Variants in UHRF2 observed in about 807,000 individuals in gnomAD.
UHRF2 encodes the protein E3 ubiquitin-protein ligase UHRF2.
UHRF2 carries 23 observed loss-of-function variants against 96.8 expected under a neutral mutation model. That is an observed-to-expected ratio of 0.24 (90% CI 0.17 to 0.34). The LOEUF (loss-of-function observed/expected upper bound fraction) is 0.34. Among genes scored for constraint, UHRF2 ranks in the 10% least tolerant of loss-of-function variants. The pLI is 1.00. For synonymous variants in UHRF2, 385 were observed against 332.6 expected (o/e 1.16, Z -1.72); for missense variants, 685 against 981.5 (o/e 0.70, Z 4.04).
intron 3 of UHRF2, among the ~76,000 whole-genome samples, chr9:6,454,789 A>T (rs1043583656): frequency 1.3e-5 from 2 of 151,976 alleles, no homozygotes; most frequent in African/African-American, 4.8e-5. Context: ...ATGCTGCCTC[A>T]CTCTAGGATA....
intron 3 of UHRF2, among the ~76,000 whole-genome samples, chr9:6,450,356 T>C (rs1167204779): frequency 6.8e-6 from 1 of 147,534 alleles, no homozygotes; most frequent in East Asian, 2.1e-4. Context: ...TGTACAATTT[T>C]CTCAGTCTGG....
chr9:6,416,367 C>T (rs555211366), intron 1 of UHRF2, among the ~76,000 whole-genome samples: 40 of 152,018 alleles, frequency 2.6e-4, no homozygotes, highest in African/African-American at 8.7e-4. Context: ...CGTGCCCAGC[C>T]TTGACTCCAC....
In UHRF2 at chr9:6,506,606, T is replaced by A. The variant is rs1816595715; in HGVS notation, c.*427T>A. 6.4e-6 allele frequency: 1 copy of A among 155,514 alleles called. No homozygotes were observed. Among genetic ancestry groups the A allele is most frequent in the African/African-American group, 2.4e-5 (1 of 41,508 alleles). 9.6% of individuals were successfully genotyped at this position (155,514 alleles called of 1,614,324 possible). On this transcript the variant is annotated 3_prime_UTR_variant, in exon 16 of 16. Transcript: ENST00000276893. Reference sequence around the variant, plus strand: ...ACAGAAAAGGAAATGACACTTGAGATCCTTGGAATGAACACAGCTTCTAAA... The same window carrying A: ...ACAGAAAAGGAAATGACACTTGAGAACCTTGGAATGAACACAGCTTCTAAA...
chr9:6,429,992 C>A (rs1477005405), intron 2 of UHRF2, among the ~76,000 whole-genome samples: 1 of 152,098 alleles, frequency 6.6e-6, no homozygotes, highest in Non-Finnish European at 1.5e-5. Flanking sequence ...GATATTTGGA[C>A]AGGGGAAACT....
rs1823508201 is a variant in UHRF2, at chr9:6,475,422, A to G, written c.895A>G (p.Ile299Val). 3 of 1,580,622 alleles carry G rather than the reference A, an allele frequency of 1.9e-6. No homozygotes were observed. Among genetic ancestry groups the G allele is most frequent in the Non-Finnish European group, 2.6e-6 (3 of 1,162,892 alleles). The change falls in exon 5 of 16, where the codon ATA becomes GTA. Residue 299 changes from isoleucine (I) to valine (V), a missense_variant. By Grantham distance (29) the Ile-to-Val change is conservative. Transcript: ENST00000276893. ...TGAAGGAACATTAAATGACTGCAAG[A>G]TAATATCTGTAGATGAAATCTTCAA... is the stretch of plus-strand genomic sequence containing the variant. ...GSEGTLNDCK[I>V]ISVDEIFKIE... is the part of the protein sequence containing the mutation.
rs191906236 is a variant in UHRF2, at chr9:6,499,621, T to A, written c.1909-214T>A. 3.4e-4 allele frequency: 113 copies of A among 336,802 alleles called. 1 individual carries two copies. The South Asian group carries it at 3.8e-3, about 11-fold the overall frequency. 20.9% of individuals were successfully genotyped at this position (336,802 alleles called of 1,614,324 possible). A position where few individuals can be genotyped will look rare whatever the true frequency, so the allele number is the denominator to read the frequency against. On this transcript the variant is annotated intron_variant, in intron 12 of 15. Coordinates refer to ENST00000276893, the MANE Select transcript of UHRF2 (RefSeq NM_152896.3). ...AAGATCAGTGTATTATAAAATGGAATCTCTTAGCAGTCACAGCTACATAAA... is the reference window on the plus strand; with the variant it reads ...AAGATCAGTGTATTATAAAATGGAAACTCTTAGCAGTCACAGCTACATAAA...
At chr9:6,415,229 C>G (rs1381401878) in intron 1 of UHRF2, 2 of 152,200 alleles carry the variant, frequency 1.3e-5, no homozygotes, top group Non-Finnish European at 2.9e-5. Context: ...ACAAAGTAGA[C>G]TTTCAGTAAA....
intron 2 of UHRF2, among the ~76,000 whole-genome samples, chr9:6,430,721 A>C (rs1042746136): frequency 6.6e-6 from 1 of 152,134 alleles, no homozygotes; most frequent in Admixed American, 6.5e-5. Context: ...TATTCAAACT[A>C]GCCATCTTGT....
At chr9:6,503,478 A>T (rs762774113) in intron 14 of UHRF2, among the ~76,000 whole-genome samples, 6 of 151,898 alleles carry the variant, frequency 4.0e-5, no homozygotes, top group Non-Finnish European at 8.8e-5. Context: ...TATCCATTTG[A>T]TCATGTTTAC....
intron 1 of UHRF2, among the ~76,000 whole-genome samples, chr9:6,419,554 A>G (rs73399664): frequency 0.018 from 2,706 of 152,288 alleles, 77 homozygotes; most frequent in African/African-American, 0.062. Context: ...TAAAAAAGTG[A>G]AACACTGAGC....
intron 10 of UHRF2, chr9:6,494,819 A>C (rs916242501): frequency 1.3e-5 from 2 of 152,212 alleles, no homozygotes; most frequent in Non-Finnish European, 2.9e-5. Flanking sequence ...TGTGTGATGT[A>C]AAGAATATAC....
At chr9:6,486,379 G>A (rs186617309) in intron 8 of UHRF2, among the ~76,000 whole-genome samples, 80 of 152,290 alleles carry the variant, frequency 5.3e-4, no homozygotes, top group Admixed American at 1.3e-3. Flanking sequence ...GAAGAATGGG[G>A]CTAAAATAAC....
Position 6,481,730 on chromosome 9 carries a change from G to T in UHRF2, c.1248G>T (p.Pro416=). The stretch of plus-strand genomic sequence containing the variant: ...TGAGTAAAAAGAAAGCAAAGATGCC[G>T]TCAGCTAGTACTGAAAGCCGAAGAG... ...LKMSKKKAKM[P]SASTESRRDW... The change falls in exon 7 of 16, where the codon CCG becomes CCT. Residue 416 remains proline (P), a synonymous_variant. Transcript: ENST00000276893. 6.2e-7 allele frequency: 1 copy of T among 1,613,914 alleles called. No homozygotes were observed. Among genetic ancestry groups the T allele is most frequent in the South Asian group, 1.1e-5 (1 of 91,054 alleles).
At chr9:6,497,448 G>A (rs1476283637) in intron 11 of UHRF2, 88 bp downstream of exon 11, 21 of 1,436,696 alleles carry the variant, frequency 1.5e-5, no homozygotes, top group Middle Eastern at 1.8e-4. Flanking sequence ...GGGTGGGCTC[G>A]AGGAAACAGT....
chr9:6,475,947 C>T lies in UHRF2; in HGVS notation c.973+447C>T, dbSNP rs565242278. On this transcript the variant is annotated intron_variant, in intron 5 of 15. Coordinates refer to ENST00000276893, the MANE Select transcript of UHRF2 (RefSeq NM_152896.3). The stretch of plus-strand genomic sequence containing the variant: ...ATACAGTAAATGTTAACTGTAGTCC[C>T]CCATCGTGCTTCTGAATACTAGATT... Among the ~76,000 whole-genome samples, 5 of 152,172 alleles carry T rather than the reference C, an allele frequency of 3.3e-5. No homozygotes were observed. In the South Asian group the frequency reaches 1.0e-3, roughly 32 times the overall value.
In UHRF2 at chr9:6,413,275, T is replaced by G. The variant is rs1192509633; in HGVS notation, c.-216T>G. 4.5e-6 allele frequency: 1 copy of G among 222,928 alleles called. No individual in the cohort carries two copies. Among genetic ancestry groups the G allele is most frequent in the African/African-American group, 2.3e-5 (1 of 43,014 alleles). The allele number at this position is 222,928 out of a possible 1,614,324, so 13.8% of individuals were successfully genotyped here. A position where few individuals can be genotyped will look rare whatever the true frequency, so the allele number is the denominator to read the frequency against. ...CGGTGTCTGCGGCAGCGCCTCAGAG[T>G]GGTTCCGGTCGTCTCTCCTCAAGTC... On this transcript the variant is annotated 5_prime_UTR_variant, in exon 1 of 16. Coordinates refer to ENST00000276893, the MANE Select transcript of UHRF2 (RefSeq NM_152896.3).
intron 15 of UHRF2, 107 bp from the exon 16 acceptor site, chr9:6,505,926 A>T: frequency 8.6e-7 from 1 of 1,158,764 alleles, no homozygotes; most frequent in Non-Finnish European, 1.2e-6. Flanking sequence ...TTCATTCTGT[A>T]CATTTCTCTC....
intron 14 of UHRF2, among the ~76,000 whole-genome samples, chr9:6,503,934 A>T (rs1322819169): frequency 2.7e-5 from 4 of 147,386 alleles, no homozygotes; most frequent in Non-Finnish European, 3.0e-5. Flanking sequence ...ACTAATGTGT[A>T]TGGAATGGGA....
intron 2 of UHRF2, among the ~76,000 whole-genome samples, 193 bp downstream of exon 2, chr9:6,421,335 C>T (rs1204423255): frequency 6.6e-6 from 1 of 152,042 alleles, no homozygotes; most frequent in African/African-American, 2.4e-5. Context: ...TGTATATGTA[C>T]AGTTTAAAGA....
Sources: gnomAD v4.1 joint callset for allele counts (sites outside exome capture counted in the v4.1 genomes callset) on GRCh38, gnomAD v4.1.1 for gene constraint, MANE v1.5 for transcripts, NCBI Gene and HGNC (gene_info 2026-07-23, HGNC 2026-07-21) for gene names.